Variants in TTC27 observed in about 807,000 individuals in gnomAD.
The protein encoded by TTC27 is tetratricopeptide repeat domain 27.
In TTC27, 79 loss-of-function variants were observed where a neutral mutation model predicts 115.9. The ratio of observed to expected loss-of-function variants is 0.68; its 90% CI spans 0.57 to 0.82. TTC27 has a LOEUF of 0.82. TTC27 is among the 40% of genes least tolerant of loss of function. TTC27 has a pLI of 0.00. For missense variants in TTC27, 1,054 were observed against 993.1 expected (o/e 1.06, Z -0.82); for synonymous variants, 401 against 356.0 (o/e 1.13, Z -1.42).
chr2:32,743,214 T>C (rs1315020824), intron 12 of TTC27, among the ~76,000 whole-genome samples: 1 of 152,180 alleles, frequency 6.6e-6, no homozygotes, highest in Non-Finnish European at 1.5e-5. Context: ...CACATTAGAA[T>C]TTTAATTCTT....
chr2:32,648,240 G>T (rs1023712322), intron 4 of TTC27, among the ~76,000 whole-genome samples: 4 of 152,050 alleles, frequency 2.6e-5, no homozygotes, highest in Admixed American at 6.6e-5. Context: ...TGATTCTCCT[G>T]CTTCAACCTC....
Position 32,702,831 on chromosome 2 carries a change from T to C in TTC27, c.1144T>C (p.Trp382Arg). ...GTGTTTGCTTTCACAACCAAAGTTC[T>C]GGGCCATTCAGACATCAGCCTTGAT... ...TSCLLSQPKF[W>R]AIQTSALILR... The change falls in exon 10 of 20, where the codon TGG (tryptophan) becomes CGG (arginine). Residue 382 changes from tryptophan (W) to arginine (R), a missense_variant. Coordinates refer to ENST00000317907, the MANE Select transcript of TTC27 (RefSeq NM_017735.5). 1 of 1,614,024 alleles carries C rather than the reference T, an allele frequency of 6.2e-7. No individual in the cohort carries two copies. Among genetic ancestry groups the C allele is most frequent in the Non-Finnish European group, 8.5e-7 (1 of 1,179,930 alleles).
At chr2:32,773,140 G>C (rs1419468541) in intron 13 of TTC27, among the ~76,000 whole-genome samples, 1 of 152,120 alleles carries the variant, frequency 6.6e-6, no homozygotes. Flanking sequence ...TAAACAGTTG[G>C]CCTGCTTTTG....
At chr2:32,647,231 G>A (rs965926383) in intron 4 of TTC27, among the ~76,000 whole-genome samples, 2 of 151,996 alleles carry the variant, frequency 1.3e-5, no homozygotes, top group African/African-American at 2.4e-5. Flanking sequence ...GTGAGCCACC[G>A]TGCCTGGCCT....
chr2:32,743,457 T>C (rs898441645), intron 12 of TTC27, among the ~76,000 whole-genome samples: 11 of 152,188 alleles, frequency 7.2e-5, no homozygotes, highest in African/African-American at 2.7e-4. Flanking sequence ...GGGTAGGATC[T>C]TCTCTCCCAC....
At chr2:32,820,099 C>T (rs1354579817) in intron 19 of TTC27, among the ~76,000 whole-genome samples, 1 of 152,206 alleles carries the variant, frequency 6.6e-6, no homozygotes, top group African/African-American at 2.4e-5. Context: ...TGGCAAGCTA[C>T]ATAAATGATA....
At chr2:32,777,098 A>G (rs1380055111) in intron 13 of TTC27, among the ~76,000 whole-genome samples, 1 of 152,252 alleles carries the variant, frequency 6.6e-6, no homozygotes, top group Non-Finnish European at 1.5e-5. Context: ...TTGGTAATCC[A>G]GATTCTGAAC....
chr2:32,629,699 A>G (rs1187392714), intron 1 of TTC27, among the ~76,000 whole-genome samples: 1 of 152,124 alleles, frequency 6.6e-6, no homozygotes, highest in Non-Finnish European at 1.5e-5. Flanking sequence ...TCGGCCTCCC[A>G]AAGTGCTGGG....
chr2:32,780,029 G>GTATGTCACATTTCATTGACTA, intron 14 of TTC27: 1 of 446,364 alleles, frequency 2.2e-6, no homozygotes, highest in South Asian at 1.7e-5. Context: ...TTCATTGACT[G>GTATGTCACATTTCATTGACTA]TATGTCACAT....
chr2:32,668,560 C>CCCTT lies in TTC27; in HGVS notation c.939+1823_939+1826dup, dbSNP rs1553547640. On this transcript the variant is annotated intron_variant, in intron 7 of 19. Transcript: ENST00000317907. Reference sequence around the variant, plus strand: ...TTCCTCCCTCCCTCCCTCCCTCCCTCCCTTCCTTCCTTCCTTCCTTCCTTC... The same window carrying CCCTT: ...TTCCTCCCTCCCTCCCTCCCTCCCTCCCTTCCTTCCTTCCTTCCTTCCTTCCTTC... Among the ~76,000 whole-genome samples, 281 of 15,952 alleles carry CCCTT rather than the reference C, an allele frequency of 0.018. 26 individuals carry two copies. The East Asian group carries it at 0.22, about 13-fold the overall frequency. The allele number at this position is 15,952 out of a possible 152,430, so 10.5% of individuals were successfully genotyped here. A position where few individuals can be genotyped will look rare whatever the true frequency, so the allele number is the denominator to read the frequency against.
chr2:32,820,526 A>T (rs1378763510), intron 19 of TTC27, among the ~76,000 whole-genome samples: 1 of 152,240 alleles, frequency 6.6e-6, no homozygotes, highest in Non-Finnish European at 1.5e-5. Context: ...ATGTCTGTTC[A>T]TTCAAAAACC....
chr2:32,716,287 T>A (rs1667750547), intron 10 of TTC27, among the ~76,000 whole-genome samples: 1 of 152,214 alleles, frequency 6.6e-6, no homozygotes, highest in Non-Finnish European at 1.5e-5. Flanking sequence ...TACAACTTAT[T>A]TAACCAATCC....
intron 12 of TTC27, among the ~76,000 whole-genome samples, chr2:32,751,271 C>CACACAA (rs1276473945): frequency 2.4e-4 from 36 of 149,664 alleles, no homozygotes; most frequent in African/African-American, 8.7e-4. Context: ...CACACACACA[C>CACACAA]ACACACACAC....
At chr2:32,682,844 G>T (rs146657370) in intron 9 of TTC27, among the ~76,000 whole-genome samples, 659 of 56,834 alleles carry the variant, frequency 0.012, no homozygotes, top group East Asian at 0.016. Context: ...AATTTTTATT[G>T]TTGTTTTTTT....
At chr2:32,738,025 T>A (rs1406950331) in intron 12 of TTC27, among the ~76,000 whole-genome samples, 1 of 152,056 alleles carries the variant, frequency 6.6e-6, no homozygotes, top group Non-Finnish European at 1.5e-5. Flanking sequence ...CAAAAAAATA[T>A]TGATAGAGTT....
intron 12 of TTC27, among the ~76,000 whole-genome samples, chr2:32,742,596 C>T (rs182464650): frequency 1.3e-5 from 2 of 152,128 alleles, no homozygotes; most frequent in Non-Finnish European, 2.9e-5. Flanking sequence ...GCACTTGTCA[C>T]CTCTCAGCTG....
chr2:32,628,213 T>G lies in TTC27; in HGVS notation c.-80T>G. ...CCACTAGATTTCAGCGCCTTTGGAC[T>G]CTCCTGTTTTCACTTTCTTTTGTTG... On this transcript the variant is annotated 5_prime_UTR_variant, in exon 1 of 20. Coordinates refer to ENST00000317907, the MANE Select transcript of TTC27 (RefSeq NM_017735.5). 2 of 1,366,024 alleles carry G rather than the reference T, an allele frequency of 1.5e-6. No individual in the cohort carries two copies. Among genetic ancestry groups the G allele is most frequent in the Non-Finnish European group, 2.0e-6 (2 of 977,678 alleles). 84.6% of individuals were successfully genotyped at this position (1,366,024 alleles called of 1,614,324 possible).
intron 7 of TTC27, among the ~76,000 whole-genome samples, chr2:32,671,216 G>A (rs1197406263): frequency 6.6e-6 from 1 of 151,648 alleles, no homozygotes; most frequent in Admixed American, 6.6e-5. Flanking sequence ...AGTTTTTTTA[G>A]CTTTAGCTTG....
At chr2:32,811,719 G>A (rs537697859) in intron 17 of TTC27, among the ~76,000 whole-genome samples, 3 of 152,316 alleles carry the variant, frequency 2.0e-5, no homozygotes, top group Admixed American at 1.3e-4. Flanking sequence ...TCACAAGTGC[G>A]ATAGAACACC....
Sources: allele counts gnomAD v4.1 joint callset (sites outside exome capture counted in the v4.1 genomes callset), GRCh38; gene constraint gnomAD v4.1.1; transcripts MANE v1.5; gene names NCBI Gene and HGNC (gene_info 2026-07-23, HGNC 2026-07-21).